Variants in MMP26 observed in about 807,000 individuals in gnomAD.
MMP26 encodes matrix metalloproteinase-26.
MMP26 carries 33 observed loss-of-function variants against 31.0 expected under a neutral mutation model. That is an observed-to-expected ratio of 1.06 (90% CI 0.81 to 1.42). MMP26 has a LOEUF of 1.42. Among genes scored for constraint, MMP26 ranks in the 40% most tolerant of loss-of-function variants. The pLI is 0.00. For missense variants in MMP26, 347 were observed against 316.1 expected (o/e 1.10, Z -0.74); for synonymous variants, 122 against 114.9 (o/e 1.06, Z -0.40).
At chr11:4,879,177 T>C (rs1312656185) in intron 2 of MMP26, among the ~76,000 whole-genome samples, 3 of 152,042 alleles carry the variant, frequency 2.0e-5, no homozygotes, top group Admixed American at 2.0e-4. Context: ...GAAGTTGCAG[T>C]GACACGATAT....
intron 2 of MMP26, among the ~76,000 whole-genome samples, chr11:4,880,877 G>A (rs975202473): frequency 6.6e-6 from 1 of 152,064 alleles, no homozygotes; most frequent in Non-Finnish European, 1.5e-5. Flanking sequence ...GGTAGGGGTT[G>A]GTAAATGAAG....
intron 2 of MMP26, chr11:4,875,340 T>C (rs1850365467): frequency 6.6e-6 from 1 of 152,110 alleles, no homozygotes; most frequent in African/African-American, 2.4e-5. Flanking sequence ...TGGGTATCTG[T>C]TTTCTATTGC....
intron 2 of MMP26, among the ~76,000 whole-genome samples, chr11:4,931,894 A>G (rs1851352831): frequency 6.6e-6 from 1 of 152,060 alleles, no homozygotes; most frequent in African/African-American, 2.4e-5. Flanking sequence ...TTAAGGAGGA[A>G]GCATGAGGAT....
chr11:4,775,744 G>T (rs1195331256), intron 2 of MMP26, among the ~76,000 whole-genome samples: 1 of 148,522 alleles, frequency 6.7e-6, no homozygotes, highest in Non-Finnish European at 1.5e-5. Context: ...GAGAGGAAGT[G>T]AGTGAGAGAG....
chr11:4,777,213 A>G (rs1052661928), intron 2 of MMP26, among the ~76,000 whole-genome samples: 3 of 152,146 alleles, frequency 2.0e-5, no homozygotes, highest in African/African-American at 7.2e-5. Flanking sequence ...GTGCCATGAG[A>G]TTTGGTCCCC....
intron 2 of MMP26, among the ~76,000 whole-genome samples, chr11:4,784,998 C>A (rs1160323156): frequency 2.0e-5 from 3 of 152,106 alleles, no homozygotes; most frequent in Non-Finnish European, 4.4e-5. Context: ...ACAGGCCCAT[C>A]CAGATTCAAG....
intron 2 of MMP26, among the ~76,000 whole-genome samples, chr11:4,936,469 T>A (rs1481663133): frequency 6.6e-6 from 1 of 152,172 alleles, no homozygotes; most frequent in Non-Finnish European, 1.5e-5. Flanking sequence ...CTTGAAAGAT[T>A]GATATTTAAG....
chr11:4,781,010 G>A (rs1320963398), intron 2 of MMP26, among the ~76,000 whole-genome samples: 10 of 152,028 alleles, frequency 6.6e-5, no homozygotes, highest in Non-Finnish European at 1.3e-4. Context: ...AAAGTATCAT[G>A]CAAAGCAAAA....
chr11:4,939,892 A>G (rs1002135924), intron 2 of MMP26, among the ~76,000 whole-genome samples: 1 of 152,196 alleles, frequency 6.6e-6, no homozygotes. Context: ...CTTAAGCCGT[A>G]TACCTTGCTT....
At chr11:4,925,359 G>A (rs145639753) in intron 2 of MMP26, among the ~76,000 whole-genome samples, 180 of 152,128 alleles carry the variant, frequency 1.2e-3, no homozygotes, top group Middle Eastern at 0.01. Context: ...AATCCCATGC[G>A]TTTCCTATCT....
chr11:4,969,226 A>G (rs750487043), intron 2 of MMP26, among the ~76,000 whole-genome samples: 8 of 152,052 alleles, frequency 5.3e-5, no homozygotes, highest in Non-Finnish European at 1.2e-4. Context: ...CAATTTTTCA[A>G]TGTGACAAAA....
At position 4,852,619 on chromosome 11, in the gene MMP26, G is replaced by T. The variant is rs144919731; in HGVS notation, c.-145+85278G>T. 8.4e-3 allele frequency among the ~76,000 whole-genome samples: 1,273 copies of T among 152,232 alleles called. 23 individuals are homozygous for T. Among genetic ancestry groups the T allele is most frequent in the African/African-American group, 0.027 (1,125 of 41,544 alleles). ...AGGGAATCCTTTACATTGTTGGTAGGAGTATAAATTTGTACACCCATTATG... is the reference window on the plus strand; with the variant it reads ...AGGGAATCCTTTACATTGTTGGTAGTAGTATAAATTTGTACACCCATTATG... On this transcript the variant is annotated intron_variant, in intron 2 of 7. Transcript: ENST00000380390.
chr11:4,861,774 C>T (rs1239723740), intron 2 of MMP26, among the ~76,000 whole-genome samples: 3 of 152,110 alleles, frequency 2.0e-5, no homozygotes, highest in African/African-American at 7.2e-5. Flanking sequence ...TGAGTGCCGC[C>T]TTCTAATACA....
At chr11:4,803,399 C>T (rs2133453728) in intron 2 of MMP26, 1 of 1,340,628 alleles carries the variant, frequency 7.5e-7, no homozygotes, top group East Asian at 2.3e-5. Context: ...ATTAGTGGGG[C>T]AATGTAAGTG....
At chr11:4,908,194 T>A in intron 2 of MMP26, 1 of 1,614,214 alleles carries the variant, frequency 6.2e-7, no homozygotes, top group Non-Finnish European at 8.5e-7. Flanking sequence ...TGATCCTTAT[T>A]GCAGATATGT....
At chr11:4,897,222 C>T (rs1481617968) in intron 2 of MMP26, among the ~76,000 whole-genome samples, 1 of 152,146 alleles carries the variant, frequency 6.6e-6, no homozygotes, top group Non-Finnish European at 1.5e-5. Flanking sequence ...TCACTGCAAC[C>T]TCCAGCTCTC....
intron 1 of MMP26, among the ~76,000 whole-genome samples, chr11:4,725,083 C>A (rs1255970420): frequency 6.6e-6 from 1 of 151,794 alleles, no homozygotes; most frequent in African/African-American, 2.4e-5. Flanking sequence ...TATGGCACCT[C>A]CCCCTTGCTC....
At chr11:4,803,465 C>A (rs1351572757) in intron 2 of MMP26, 12 of 1,612,204 alleles carry the variant, frequency 7.4e-6, no homozygotes, top group East Asian at 2.2e-5. Context: ...CCTTGGATAA[C>A]CCTGTCCCCG....
At chr11:4,927,344 G>T (rs1400772511) in intron 2 of MMP26, among the ~76,000 whole-genome samples, 1 of 152,084 alleles carries the variant, frequency 6.6e-6, no homozygotes, top group Non-Finnish European at 1.5e-5. Flanking sequence ...AGGTGAGGAA[G>T]GTAGAAAAAC....
Sources: allele counts gnomAD v4.1 joint callset (sites outside exome capture counted in the v4.1 genomes callset), GRCh38; gene constraint gnomAD v4.1.1; transcripts MANE v1.5; gene names NCBI Gene and HGNC (gene_info 2026-07-23, HGNC 2026-07-21).